The following PCDH15 variants were observed in gnomAD, a reference collection of about 807,000 sequenced individuals.
PCDH15 encodes protocadherin-15.
In PCDH15, 129 loss-of-function variants were observed where a neutral mutation model predicts 178.5. The observed-to-expected ratio is 0.72, with a 90% CI of 0.63 to 0.84. The LOEUF (loss-of-function observed/expected upper bound fraction) is 0.84, where lower values mean the gene tolerates loss of function less well. Among genes scored for constraint, PCDH15 ranks in the 40% least tolerant of loss-of-function variants. PCDH15 has a pLI of 0.00. For synonymous variants in PCDH15, 800 were observed against 732.0 expected (o/e 1.09, Z -1.50); for missense variants, 2,230 against 2,099.9 (o/e 1.06, Z -1.21).
chr10:55,135,523 G>C (rs1293826619), intron 2 of PCDH15, among the ~76,000 whole-genome samples: 4 of 149,804 alleles, frequency 2.7e-5, no homozygotes. Context: ...AGCCTTCCCT[G>C]GTCTCCCCAG....
At position 53,894,892 on chromosome 10, in the gene PCDH15, T is replaced by C. The variant is rs543709864; in HGVS notation, c.3501+8351A>G. ...ATGCCCAGAACTAAATCCAGGTGAT[T>C]AGAATGTCAGTCCAGTGCTCTTCCA... On this transcript the variant is annotated intron_variant, in intron 26 of 37. Coordinates refer to ENST00000644397, the MANE Select transcript of PCDH15 (RefSeq NM_001384140.1). 1.1e-4 allele frequency among the ~76,000 whole-genome samples: 17 copies of C among 152,168 alleles called. No individual in the cohort carries two copies. The East Asian group carries it at 3.1e-3, about 28-fold the overall frequency.
chr10:55,036,010 T>G (rs977997440), intron 2 of PCDH15, among the ~76,000 whole-genome samples: 2 of 152,176 alleles, frequency 1.3e-5, no homozygotes, highest in Non-Finnish European at 2.9e-5. Context: ...CAAAGGCATG[T>G]GTTAGAAACT....
chr10:53,892,556 CA>C (rs1386060978), intron 26 of PCDH15, among the ~76,000 whole-genome samples: 2 of 151,886 alleles, frequency 1.3e-5, no homozygotes, highest in Admixed American at 1.3e-4. Flanking sequence ...AAAACATATG[CA>C]GAATTATTTC....
intron 2 of PCDH15, among the ~76,000 whole-genome samples, chr10:55,590,877 C>T (rs975549063): frequency 6.6e-5 from 10 of 152,058 alleles, no homozygotes; most frequent in Admixed American, 6.6e-4. Context: ...TAGAAGTAAG[C>T]AAGTTTAATG....
At chr10:55,115,973 A>C (rs899156702) in intron 2 of PCDH15, among the ~76,000 whole-genome samples, 11 of 152,184 alleles carry the variant, frequency 7.2e-5, no homozygotes, top group Non-Finnish European at 1.0e-4. Flanking sequence ...CAGAAAGAAC[A>C]ATAGTCCTAC....
chr10:55,273,690 T>C, intron 1 of PCDH15, among the ~76,000 whole-genome samples: 1 of 152,058 alleles, frequency 6.6e-6, no homozygotes, highest in Non-Finnish European at 1.5e-5. Context: ...CTGTTAGAAC[T>C]TTCCTTATAT....
chr10:54,166,582 G>C (rs570108904), intron 13 of PCDH15, among the ~76,000 whole-genome samples: 2 of 152,250 alleles, frequency 1.3e-5, no homozygotes, highest in Admixed American at 1.3e-4. Context: ...CTATTTAAAT[G>C]TTTGTTTTTT....
intron 11 of PCDH15, among the ~76,000 whole-genome samples, chr10:54,190,514 C>T (rs2048892711): frequency 6.6e-6 from 1 of 152,208 alleles, no homozygotes; most frequent in Non-Finnish European, 1.5e-5. Flanking sequence ...AGGGATCCTT[C>T]TGCCTCAGCC....
intron 3 of PCDH15, among the ~76,000 whole-genome samples, chr10:54,839,409 G>A (rs1232195094): frequency 6.6e-6 from 1 of 152,020 alleles, no homozygotes; most frequent in Non-Finnish European, 1.5e-5. Flanking sequence ...ATCTCAAATA[G>A]ATTTTATTAT....
chr10:54,578,427 T>A (rs2090722744), intron 2 of PCDH15, among the ~76,000 whole-genome samples: 1 of 152,104 alleles, frequency 6.6e-6, no homozygotes, highest in Non-Finnish European at 1.5e-5. Context: ...ACTATTAACC[T>A]TATAGGAAAA....
intron 2 of PCDH15, among the ~76,000 whole-genome samples, chr10:55,506,494 A>C (rs1405392158): frequency 1.3e-5 from 2 of 151,698 alleles, no homozygotes; most frequent in East Asian, 3.9e-4. Flanking sequence ...GTAGAGAGCT[A>C]CATAAGAAAG....
intron 2 of PCDH15, among the ~76,000 whole-genome samples, chr10:55,572,697 C>A (rs899340780): frequency 6.6e-6 from 1 of 151,822 alleles, no homozygotes; most frequent in Non-Finnish European, 1.5e-5. Context: ...GTGTTGAGGG[C>A]AATATTTCAG....
At chr10:55,170,565 A>AT (rs1279014458) in intron 1 of PCDH15, among the ~76,000 whole-genome samples, 13 of 152,266 alleles carry the variant, frequency 8.5e-5, no homozygotes, top group Admixed American at 5.2e-4. Flanking sequence ...AGTAGCAGGT[A>AT]TATGTACAGG....
At chr10:54,163,203 C>A (rs926389863) in intron 13 of PCDH15, among the ~76,000 whole-genome samples, 2 of 152,044 alleles carry the variant, frequency 1.3e-5, no homozygotes, top group African/African-American at 4.8e-5. Context: ...GTATTCATAT[C>A]ATATATACTT....
At chr10:55,310,622 T>C (rs900209420) in intron 1 of PCDH15, among the ~76,000 whole-genome samples, 4 of 152,168 alleles carry the variant, frequency 2.6e-5, no homozygotes, top group Non-Finnish European at 5.9e-5. Context: ...GCTTACATAA[T>C]TCTATTTAAA....
chr10:54,682,478 A>G (rs938789872), intron 1 of PCDH15, among the ~76,000 whole-genome samples: 1 of 152,160 alleles, frequency 6.6e-6, no homozygotes, highest in Non-Finnish European at 1.5e-5. Flanking sequence ...GAAATTGGTC[A>G]TTTATATAAT....
intron 18 of PCDH15, among the ~76,000 whole-genome samples, chr10:54,052,059 T>C (rs1382216447): frequency 6.6e-6 from 1 of 152,044 alleles, no homozygotes; most frequent in Non-Finnish European, 1.5e-5. Context: ...TCAGAGGAAA[T>C]ATGGAAATGC....
Position 54,021,152 on chromosome 10 carries a change from G to T in PCDH15, c.2527-736C>A, listed in dbSNP as rs1015938445. Among the ~76,000 whole-genome samples, 6 of 152,164 alleles carry T rather than the reference G, an allele frequency of 3.9e-5. No individual in the cohort carries two copies. In the Middle Eastern group the frequency reaches 0.01, roughly 259 times the overall value. On this transcript the variant is annotated intron_variant, in intron 19 of 37. Transcript: ENST00000644397. ...TGCTATCTAAAAGATGTTCTAAATT[G>T]GGAACGATATCCTTTAGCTGAAAGG...
chr10:55,323,073 A>G (rs1434346518), upstream of PCDH15, among the ~76,000 whole-genome samples: 1 of 152,200 alleles, frequency 6.6e-6, no homozygotes, highest in African/African-American at 2.4e-5. Flanking sequence ...CTCAGGCTTG[A>G]GTTCAAGCTC....
Sources: allele counts gnomAD v4.1 joint callset (sites outside exome capture counted in the v4.1 genomes callset), GRCh38; gene constraint gnomAD v4.1.1; transcripts MANE v1.5; gene names NCBI Gene and HGNC (gene_info 2026-07-23, HGNC 2026-07-21).